The following TBL1XR1 variants were observed in gnomAD, a reference collection of about 807,000 sequenced individuals.
TBL1XR1 encodes the protein F-box-like/WD repeat-containing protein TBL1XR1.
In TBL1XR1, 5 loss-of-function variants were observed where a neutral mutation model predicts 66.9. The ratio of observed to expected loss-of-function variants is 0.07; its 90% CI spans 0.04 to 0.16. The LOEUF is 0.16. Ranked by LOEUF, TBL1XR1 falls within the 10% of genes least tolerant of loss-of-function variation. The pLI is 1.00. For synonymous variants in TBL1XR1, 210 were observed against 206.0 expected (o/e 1.02, Z -0.17); for missense variants, 238 against 623.2 (o/e 0.38, Z 6.58).
chr3:177,076,871 C>T (rs1720765788), intron 2 of TBL1XR1, among the ~76,000 whole-genome samples: 1 of 152,244 alleles, frequency 6.6e-6, no homozygotes, highest in African/African-American at 2.4e-5. Context: ...CCCATCCCAG[C>T]AACTTGGACC....
chr3:177,054,690 CATTTT>C (rs1261231112), intron 3 of TBL1XR1, among the ~76,000 whole-genome samples: 3 of 152,110 alleles, frequency 2.0e-5, no homozygotes, highest in African/African-American at 7.2e-5. Context: ...GGTTAAATCT[CATTTT>C]ATGTATGAAT....
intron 2 of TBL1XR1, among the ~76,000 whole-genome samples, chr3:177,077,632 A>T (rs1048803663): frequency 3.3e-5 from 5 of 152,146 alleles, no homozygotes; most frequent in Admixed American, 3.3e-4. Context: ...TACCACCTTT[A>T]TATGCACTTT....
chr3:177,069,029 T>G (rs967945446), intron 2 of TBL1XR1, among the ~76,000 whole-genome samples: 4 of 152,214 alleles, frequency 2.6e-5, no homozygotes, highest in African/African-American at 9.6e-5. Flanking sequence ...AGAGCTCGGA[T>G]GTAAATTAAA....
intron 1 of TBL1XR1, among the ~76,000 whole-genome samples, chr3:177,186,470 G>C (rs888675497): frequency 6.6e-6 from 1 of 152,116 alleles, no homozygotes; most frequent in Non-Finnish European, 1.5e-5. Flanking sequence ...AAGTAGATGA[G>C]TCAATTGCCT....
At chr3:177,048,395 T>C (rs566998264) in intron 7 of TBL1XR1, among the ~76,000 whole-genome samples, 2 of 152,320 alleles carry the variant, frequency 1.3e-5, no homozygotes, top group East Asian at 1.9e-4. Context: ...ATATTATTGA[T>C]GGTTTTTGGT....
In TBL1XR1 at chr3:177,021,084, A is replaced by G. The variant is rs1290039098; in HGVS notation, c.*4414T>C. The G allele has an allele frequency of 2.0e-5, 3 of 152,212 alleles. No individual in the cohort carries two copies. Among genetic ancestry groups the G allele is most frequent in the Non-Finnish European group, 2.9e-5 (2 of 68,004 alleles). The allele number at this position is 152,212 out of a possible 1,614,324, so 9.4% of individuals were successfully genotyped here. ...TTACAACAGTTTTAAAGTTAACTGG[A>G]TAACTAAAGAAATGATGCAGACATT... On this transcript the variant is annotated 3_prime_UTR_variant, in exon 16 of 16. Coordinates refer to ENST00000457928, the MANE Select transcript of TBL1XR1 (RefSeq NM_024665.7).
At chr3:177,125,959 G>A (rs1727569157) in intron 1 of TBL1XR1, 1 of 152,128 alleles carries the variant, frequency 6.6e-6, no homozygotes, top group East Asian at 1.9e-4. Context: ...GTACACAGTA[G>A]GTGTATATAT....
At position 177,024,665 on chromosome 3, in the gene TBL1XR1, CAA is replaced by C. The variant is rs537140179; in HGVS notation, c.*831_*832del. ...GTCTTTAATTGGCAGAAATATGTCC[CAA>C]AAAAGAAACTATTGCATTTAAGCCA... is the stretch of plus-strand genomic sequence containing the variant. On this transcript the variant is annotated 3_prime_UTR_variant, in exon 16 of 16. Coordinates refer to ENST00000457928, the MANE Select transcript of TBL1XR1 (RefSeq NM_024665.7). The C allele has an allele frequency of 1.1e-5, 1 of 89,284 alleles. No homozygotes were observed. Among genetic ancestry groups the C allele is most frequent in the Admixed American group, 1.3e-4 (1 of 7,444 alleles). 5.5% of individuals were successfully genotyped at this position (89,284 alleles called of 1,614,324 possible). A position where few individuals can be genotyped will look rare whatever the true frequency, so the allele number is the denominator to read the frequency against.
intron 12 of TBL1XR1, among the ~76,000 whole-genome samples, chr3:177,035,259 T>C: frequency 6.6e-6 from 1 of 152,172 alleles, no homozygotes; most frequent in East Asian, 1.9e-4. Context: ...TTCCTCTACA[T>C]ACTTTCTTTT....
intron 1 of TBL1XR1, chr3:177,120,562 C>A (rs1726867223): frequency 6.6e-6 from 1 of 152,192 alleles, no homozygotes; most frequent in South Asian, 2.1e-4. Context: ...ATACTCTACA[C>A]CTAGATATTT....
intron 1 of TBL1XR1, among the ~76,000 whole-genome samples, chr3:177,106,080 AAAGT>A (rs1242481652): frequency 1.3e-5 from 2 of 152,158 alleles, no homozygotes; most frequent in Non-Finnish European, 2.9e-5. Context: ...AATGAACAGA[AAAGT>A]AAGGACAATG....
At chr3:177,184,902 A>C (rs1735228818) in intron 1 of TBL1XR1, among the ~76,000 whole-genome samples, 1 of 152,222 alleles carries the variant, frequency 6.6e-6, no homozygotes, top group Non-Finnish European at 1.5e-5. Flanking sequence ...AATTCTGCCA[A>C]CAAGTCTGAA....
upstream of TBL1XR1, among the ~76,000 whole-genome samples, chr3:177,199,478 T>C (rs900037964): frequency 6.6e-6 from 1 of 150,914 alleles, no homozygotes; most frequent in Non-Finnish European, 1.5e-5. Context: ...ATGAAACATA[T>C]CTATTGGCTT....
intron 1 of TBL1XR1, among the ~76,000 whole-genome samples, chr3:177,163,806 C>T (rs909872535): frequency 6.6e-6 from 1 of 152,142 alleles, no homozygotes; most frequent in Non-Finnish European, 1.5e-5. Flanking sequence ...GCCAACAAAT[C>T]TTTTCTGAAG....
At chr3:177,070,250 CACAG>C (rs760226292) in intron 2 of TBL1XR1, among the ~76,000 whole-genome samples, 70 of 152,178 alleles carry the variant, frequency 4.6e-4, no homozygotes, top group African/African-American at 1.3e-3. Context: ...CCTCATTGCC[CACAG>C]ACATTGACTT....
chr3:177,120,603 A>T (rs924758509), intron 1 of TBL1XR1: 4 of 152,226 alleles, frequency 2.6e-5, no homozygotes, highest in African/African-American at 9.6e-5. Flanking sequence ...TTAAAATCAA[A>T]GGTCACGTGC....
chr3:177,161,362 T>C (rs1732189630), intron 1 of TBL1XR1, among the ~76,000 whole-genome samples: 1 of 152,204 alleles, frequency 6.6e-6, no homozygotes, highest in Admixed American at 6.5e-5. Context: ...GCAAACAGGT[T>C]ATTTCCCACA....
At chr3:177,103,281 T>C (rs991801310) in intron 1 of TBL1XR1, among the ~76,000 whole-genome samples, 1 of 152,200 alleles carries the variant, frequency 6.6e-6, no homozygotes, top group African/African-American at 2.4e-5. Flanking sequence ...ATCAATCACA[T>C]TATTAGTGTA....
rs540233740 is a variant in TBL1XR1 at position 177,042,375 on chromosome 3, G to T, written c.925+3754C>A. On this transcript the variant is annotated intron_variant, in intron 10 of 15. Transcript: ENST00000457928. ...ATACAGGGCAGCCTGCAAAATGTTA[G>T]AGAGGAGGCTAAAATAAACAAAAAG... Among the ~76,000 whole-genome samples the T allele has an allele frequency of 3.5e-4, 54 of 152,250 alleles. No individual in the cohort carries two copies. In the South Asian group the frequency reaches 5.8e-3, roughly 16 times the overall value.
Sources: gnomAD v4.1 joint callset for allele counts (sites outside exome capture counted in the v4.1 genomes callset) on GRCh38, gnomAD v4.1.1 for gene constraint, MANE v1.5 for transcripts, NCBI Gene and HGNC (gene_info 2026-07-23, HGNC 2026-07-21) for gene names.